Variants in DNAH6 observed in about 807,000 individuals in gnomAD.
DNAH6 encodes axonemal beta dynein heavy chain 6.
Under a neutral mutation model 491.4 loss-of-function variants are expected in DNAH6, and 340 were observed. The observed-to-expected ratio is 0.69, with a 90% CI of 0.63 to 0.76. DNAH6 has a LOEUF of 0.76. Among genes scored for constraint, DNAH6 ranks in the 30% least tolerant of loss-of-function variants. DNAH6 has a pLI of 0.00. For missense variants in DNAH6, 4,443 were observed against 4,972.2 expected, an observed-to-expected ratio of 0.89 and a Z score of 3.20; for synonymous variants, 1,603 against 1,686.1, an observed-to-expected ratio of 0.95 and a Z score of 1.21.
At chr2:84,740,800 TC>T (rs1323148233) in intron 62 of DNAH6, among the ~76,000 whole-genome samples, 1 of 152,144 alleles carries the variant, frequency 6.6e-6, no homozygotes, top group African/African-American at 2.4e-5. Flanking sequence ...AACCTCAGCT[TC>T]AGCAACTCTC....
chr2:84,692,513 G>T lies in DNAH6; in HGVS notation c.7293-1736G>T, dbSNP rs189119350. 5.3e-5 allele frequency among the ~76,000 whole-genome samples: 8 copies of T among 151,990 alleles called. No homozygotes were observed. In the East Asian group the frequency reaches 1.4e-3, roughly 26 times the overall value. On this transcript the variant is annotated intron_variant, in intron 45 of 76. Transcript: ENST00000389394. Reference sequence around the variant, plus strand: ...TCCCAGAGAAGGAAGGGGAGGAAGAGGAAAAATAATTAAACCTGCTTTTAT... The same window carrying T: ...TCCCAGAGAAGGAAGGGGAGGAAGATGAAAAATAATTAAACCTGCTTTTAT...
chr2:84,525,555 T>G lies in DNAH6; in HGVS notation c.226-10T>G. 6.5e-7 allele frequency: 1 copy of G among 1,532,246 alleles called. No individual in the cohort carries two copies. The highest frequency in any genetic ancestry group is 2.5e-5 in the East Asian group (1 of 40,718). 94.9% of individuals were successfully genotyped at this position (1,532,246 alleles called of 1,614,324 possible). On this transcript the variant is annotated splice_polypyrimidine_tract_variant and intron_variant, in intron 2 of 76. Coordinates refer to ENST00000389394, the MANE Select transcript of DNAH6 (RefSeq NM_001370.2). ...TAATAAAAATTAACATGTCTCTCTA[T>G]TTCCCAAAGCCAGTGCTAAAAGTCT...
intron 10 of DNAH6, among the ~76,000 whole-genome samples, chr2:84,556,519 T>C (rs1680042624): frequency 6.6e-6 from 1 of 152,244 alleles, no homozygotes; most frequent in Admixed American, 6.5e-5. Context: ...TTTAAAGACT[T>C]ACCTTTTCTT....
intron 71 of DNAH6, among the ~76,000 whole-genome samples, chr2:84,806,496 G>A (rs899088430): frequency 6.6e-6 from 1 of 152,006 alleles, no homozygotes; most frequent in Admixed American, 6.6e-5. Context: ...GCGGTCGCCT[G>A]TAGTCCCAGC....
intron 30 of DNAH6, among the ~76,000 whole-genome samples, chr2:84,636,747 C>T (rs556823807): frequency 1.8e-4 from 28 of 151,906 alleles, no homozygotes; most frequent in African/African-American, 4.8e-4. Context: ...ATTAGTGGGG[C>T]GTGGTGGGGT....
chr2:84,531,060 A>G (rs1443641539), intron 4 of DNAH6, among the ~76,000 whole-genome samples: 1 of 152,092 alleles, frequency 6.6e-6, no homozygotes, highest in Non-Finnish European at 1.5e-5. Flanking sequence ...TAAGATGTAC[A>G]TGGGTTCAGT....
At chr2:84,607,830 A>G (rs1685925528) in intron 21 of DNAH6, among the ~76,000 whole-genome samples, 1 of 152,180 alleles carries the variant, frequency 6.6e-6, no homozygotes, top group Admixed American at 6.6e-5. Context: ...GCAATTTCCT[A>G]AAACAAGACA....
At chr2:84,538,304 A>G (rs1024569384) in intron 4 of DNAH6, among the ~76,000 whole-genome samples, 2 of 152,180 alleles carry the variant, frequency 1.3e-5, no homozygotes, top group African/African-American at 4.8e-5. Context: ...TAGTGGAAAG[A>G]TAAGAAAATT....
intron 30 of DNAH6, among the ~76,000 whole-genome samples, 183 bp from the exon 31 acceptor site, chr2:84,637,027 G>A (rs1573312551): frequency 6.6e-6 from 1 of 152,166 alleles, no homozygotes; most frequent in African/African-American, 2.4e-5. Flanking sequence ...AGGAAACACA[G>A]AGCCCAGAAG....
intron 51 of DNAH6, among the ~76,000 whole-genome samples, chr2:84,705,028 A>C (rs1010035219): frequency 3.3e-5 from 5 of 152,088 alleles, no homozygotes; most frequent in Non-Finnish European, 5.9e-5. Context: ...ATCGTTGAAC[A>C]TTTTTTATCT....
chr2:84,777,194 T>C (rs965580359), intron 64 of DNAH6: 1 of 189,516 alleles, frequency 5.3e-6, no homozygotes, highest in Non-Finnish European at 1.1e-5. Context: ...TGTATACATA[T>C]GTAACAAACC....
rs1412027555 is a variant in DNAH6 at position 84,621,567 on chromosome 2, A to G, written c.4071+16A>G. The G allele has an allele frequency of 2.1e-6, 3 of 1,454,864 alleles. No individual in the cohort carries two copies. The highest frequency in any genetic ancestry group is 4.1e-5 in the Admixed American group (2 of 49,212). The allele number at this position is 1,454,864 out of a possible 1,614,324, so 90.1% of individuals were successfully genotyped here. A position where few individuals can be genotyped will look rare whatever the true frequency, so the allele number is the denominator to read the frequency against. ...AAATTTTGAGGTGAGATCTGTAACA[A>G]AGTGACATTGTTGTCCTGCAAGATG... On this transcript the variant is annotated intron_variant, in intron 26 of 76. Coordinates refer to ENST00000389394, the MANE Select transcript of DNAH6 (RefSeq NM_001370.2).
intron 12 of DNAH6, among the ~76,000 whole-genome samples, chr2:84,575,225 T>A (rs1309329925): frequency 6.6e-6 from 1 of 152,152 alleles, no homozygotes; most frequent in Non-Finnish European, 1.5e-5. Flanking sequence ...TTAGCACATA[T>A]TGTAGATCCT....
intron 30 of DNAH6, among the ~76,000 whole-genome samples, chr2:84,636,199 T>C (rs1688864347): frequency 6.6e-6 from 1 of 152,208 alleles, no homozygotes; most frequent in Non-Finnish European, 1.5e-5. Flanking sequence ...TTCCTTAGTT[T>C]AGTGTGCAGG....
intron 72 of DNAH6, among the ~76,000 whole-genome samples, chr2:84,811,162 G>C (rs1679931909): frequency 6.6e-6 from 1 of 152,144 alleles, no homozygotes; most frequent in Non-Finnish European, 1.5e-5. Context: ...AGGGAGAAGG[G>C]AACCAACAAA....
At chr2:84,755,766 T>G (rs1283193210) in intron 63 of DNAH6, among the ~76,000 whole-genome samples, 1 of 152,188 alleles carries the variant, frequency 6.6e-6, no homozygotes, top group African/African-American at 2.4e-5. Context: ...AACCATGATG[T>G]TAGCTGTCAA....
the DNAH6 span, among the ~76,000 whole-genome samples, chr2:84,505,660 A>G: frequency 5.9e-5 from 9 of 152,184 alleles, no homozygotes; most frequent in South Asian, 1.9e-3. Context: ...CTGCACCATT[A>G]ACTTGTCATT....
intron 37 of DNAH6, among the ~76,000 whole-genome samples, chr2:84,664,212 A>G (rs1272096783): frequency 6.6e-6 from 1 of 152,206 alleles, no homozygotes; most frequent in Admixed American, 6.5e-5. Flanking sequence ...ATAACCAGCT[A>G]ACATCATAAT....
the DNAH6 span, among the ~76,000 whole-genome samples, chr2:84,477,220 A>G: frequency 6.6e-6 from 1 of 152,202 alleles, no homozygotes; most frequent in African/African-American, 2.4e-5. Flanking sequence ...TGGGGGTCAA[A>G]AGGGCAGGCT....
Sources: allele counts gnomAD v4.1 joint callset (sites outside exome capture counted in the v4.1 genomes callset), GRCh38; gene constraint gnomAD v4.1.1; transcripts MANE v1.5; gene names NCBI Gene and HGNC (gene_info 2026-07-23, HGNC 2026-07-21).